ROBO2: variants seen among roughly 807,000 people sequenced by gnomAD.
ROBO2 encodes roundabout guidance receptor 2.
In ROBO2, 53 loss-of-function variants were observed where a neutral mutation model predicts 160.8. The observed-to-expected ratio is 0.33, with a 90% CI of 0.26 to 0.41. The LOEUF is 0.41. Among genes scored for constraint, ROBO2 ranks in the 10% least tolerant of loss-of-function variants. The probability of loss-of-function intolerance (pLI) is 1.00; values close to 1 mark genes in which losing one functional copy is unlikely to be tolerated. For missense variants in ROBO2, 1,577 were observed against 1,722.4 expected (o/e 0.92, Z 1.49); for synonymous variants, 664 against 611.7 (o/e 1.09, Z -1.26).
intron 2 of ROBO2, among the ~76,000 whole-genome samples, chr3:76,230,771 C>T (rs962552998): frequency 6.6e-6 from 1 of 152,096 alleles, no homozygotes; most frequent in Non-Finnish European, 1.5e-5. Context: ...ACCTCTAATA[C>T]CTGTGAACAT....
intron 2 of ROBO2, among the ~76,000 whole-genome samples, chr3:76,541,856 C>T (rs189678886): frequency 2.0e-5 from 3 of 152,312 alleles, no homozygotes; most frequent in Non-Finnish European, 4.4e-5. Context: ...AAACAGCCTC[C>T]AGGCTTCTTG....
At chr3:76,359,956 C>G (rs551705502) in intron 2 of ROBO2, among the ~76,000 whole-genome samples, 1 of 152,090 alleles carries the variant, frequency 6.6e-6, no homozygotes, top group South Asian at 2.1e-4. Flanking sequence ...CAGTTTCAAG[C>G]AAGAACAAAG....
At chr3:76,856,676 C>T (rs28579439) in intron 2 of ROBO2, among the ~76,000 whole-genome samples, 4,676 of 152,280 alleles carry the variant, frequency 0.031, 197 homozygotes, top group East Asian at 0.11. Context: ...AATTTTCATT[C>T]CCAACAAGTT....
intron 2 of ROBO2, among the ~76,000 whole-genome samples, chr3:77,216,105 G>T (rs1020363777): frequency 6.6e-6 from 1 of 152,170 alleles, no homozygotes; most frequent in African/African-American, 2.4e-5. Context: ...TCTCTTCAAA[G>T]CTGTCAGACA....
intron 2 of ROBO2, among the ~76,000 whole-genome samples, chr3:75,938,540 T>C (rs1947898655): frequency 6.6e-6 from 1 of 152,128 alleles, no homozygotes; most frequent in Non-Finnish European, 1.5e-5. Flanking sequence ...TCACAGAGTT[T>C]ATTTCAAGGG....
intron 2 of ROBO2, among the ~76,000 whole-genome samples, chr3:77,440,212 T>C (rs921745292): frequency 6.6e-6 from 1 of 152,150 alleles, no homozygotes; most frequent in African/African-American, 2.4e-5. Context: ...GACACATTTT[T>C]ACACTGTTTT....
chr3:75,959,722 C>A (rs1463999144), intron 2 of ROBO2, among the ~76,000 whole-genome samples: 3 of 151,448 alleles, frequency 2.0e-5, no homozygotes, highest in Non-Finnish European at 4.4e-5. Flanking sequence ...TTCAATGTCC[C>A]ATCAATAGAA....
At chr3:77,556,499 A>T (rs2153657619) in intron 8 of ROBO2, among the ~76,000 whole-genome samples, 1 of 151,946 alleles carries the variant, frequency 6.6e-6, no homozygotes, top group South Asian at 2.1e-4. Flanking sequence ...CTTCAATTAA[A>T]TTTGGTTGGC....
chr3:76,220,694 G>A (rs1703907759), intron 2 of ROBO2, among the ~76,000 whole-genome samples: 1 of 151,878 alleles, frequency 6.6e-6, no homozygotes. Flanking sequence ...CTGATATCCA[G>A]AACATAAATA....
At chr3:77,164,103 T>C (rs1286877991) in intron 2 of ROBO2, among the ~76,000 whole-genome samples, 1 of 152,224 alleles carries the variant, frequency 6.6e-6, no homozygotes, top group African/African-American at 2.4e-5. Context: ...GATATTGTGC[T>C]ATAGGTTTGC....
rs547854279 is a variant in ROBO2 at position 77,547,207 on chromosome 3, C to T, written c.1059+745C>T. On this transcript the variant is annotated intron_variant, in intron 7 of 25. Coordinates refer to ENST00000461745, the Ensembl canonical transcript of ROBO2. Reference sequence around the variant, plus strand: ...TGGACAACTGCTTAGCCTCTAGGTTCGTAGTCAATGAGTGAAATTTCCAGG... The same window carrying T: ...TGGACAACTGCTTAGCCTCTAGGTTTGTAGTCAATGAGTGAAATTTCCAGG... Among the ~76,000 whole-genome samples, 6 of 152,142 alleles carry T rather than the reference C, an allele frequency of 3.9e-5. No individual in the cohort carries two copies. The East Asian group carries it at 5.8e-4, about 15-fold the overall frequency.
At chr3:77,050,086 T>C (rs753960543) in intron 1 of ROBO2, among the ~76,000 whole-genome samples, 1 of 152,196 alleles carries the variant, frequency 6.6e-6, no homozygotes, top group Non-Finnish European at 1.5e-5. Context: ...CTTATTTAGA[T>C]ATATCCGATT....
intron 2 of ROBO2, among the ~76,000 whole-genome samples, chr3:76,665,230 A>G (rs2091973265): frequency 6.6e-6 from 1 of 152,100 alleles, no homozygotes; most frequent in Non-Finnish European, 1.5e-5. Context: ...GGCCTGCCTA[A>G]GTTGTAAGTC....
At chr3:76,522,414 A>G (rs971119998) in intron 2 of ROBO2, among the ~76,000 whole-genome samples, 4 of 152,158 alleles carry the variant, frequency 2.6e-5, no homozygotes, top group African/African-American at 7.2e-5. Context: ...TCAATCCAAT[A>G]AAATACAGCT....
At chr3:76,857,871 G>A (rs2070304586) in intron 2 of ROBO2, among the ~76,000 whole-genome samples, 1 of 152,112 alleles carries the variant, frequency 6.6e-6, no homozygotes, top group African/African-American at 2.4e-5. Flanking sequence ...TAGCTTTATA[G>A]CTAAGCCTTT....
chr3:77,155,943 T>C (rs1420403843), intron 2 of ROBO2, among the ~76,000 whole-genome samples: 2 of 151,972 alleles, frequency 1.3e-5, no homozygotes, highest in East Asian at 3.9e-4. Flanking sequence ...CAGTTAAACA[T>C]TTTAGAGCCT....
At chr3:76,734,958 G>A (rs1037309709) in intron 2 of ROBO2, among the ~76,000 whole-genome samples, 2 of 152,232 alleles carry the variant, frequency 1.3e-5, no homozygotes, top group Admixed American at 6.5e-5. Flanking sequence ...AAAATTCCTC[G>A]CTAGAATGCT....
chr3:77,338,399 T>C (rs986607564), intron 2 of ROBO2, among the ~76,000 whole-genome samples: 1 of 151,936 alleles, frequency 6.6e-6, no homozygotes, highest in Non-Finnish European at 1.5e-5. Flanking sequence ...CACCACGACC[T>C]TACCTGAGAG....
intron 2 of ROBO2, among the ~76,000 whole-genome samples, chr3:76,703,679 A>G (rs12714447): frequency 0.42 from 64,333 of 151,890 alleles, 13,953 homozygotes; most frequent in Non-Finnish European, 0.47. Flanking sequence ...CATGTCTCTG[A>G]AAAGGAGATG....
Sources: gnomAD v4.1 joint callset for allele counts (sites outside exome capture counted in the v4.1 genomes callset) on GRCh38, gnomAD v4.1.1 for gene constraint, MANE v1.5 for transcripts, NCBI Gene and HGNC (gene_info 2026-07-23, HGNC 2026-07-21) for gene names.